Variants in TASOR2 observed in about 807,000 individuals in gnomAD.
TASOR2 encodes the protein protein TASOR 2.
Under a neutral mutation model 199.5 loss-of-function variants are expected in TASOR2, and 84 were observed. The observed-to-expected ratio is 0.42, with a 90% confidence interval of 0.35 to 0.50. The LOEUF is 0.50. TASOR2 is among the 20% of genes least tolerant of loss of function. The pLI is 0.02. For missense variants in TASOR2, 2,796 were observed against 2,835.9 expected (o/e 0.99, Z 0.32); for synonymous variants, 1,103 against 1,046.6 (o/e 1.05, Z -1.04).
intron 15 of TASOR2, among the ~76,000 whole-genome samples, chr10:5,755,850 G>A (rs1361137795): frequency 6.6e-6 from 1 of 151,954 alleles, no homozygotes; most frequent in Non-Finnish European, 1.5e-5. Flanking sequence ...AAAAAAGCCG[G>A]GCCCAGTGAT....
chr10:5,763,357 A>T (rs1840172135), exon 21 of TASOR2: 1 of 255,004 alleles, frequency 3.9e-6, no homozygotes, highest in Non-Finnish European at 7.4e-6. Context: ...CTATTTTAAC[A>T]AATAGCTTTG....
intron 19 of TASOR2, 71 bp downstream of exon 20, chr10:5,761,542 C>A (rs1225386978): frequency 5.9e-6 from 8 of 1,358,908 alleles, no homozygotes; most frequent in Non-Finnish European, 8.2e-6. Flanking sequence ...AAGTTAGATA[C>A]CTGATGAAGA....
chr10:5,749,999 A>G, exon 15 of TASOR2: 1 of 1,605,082 alleles, frequency 6.2e-7, no homozygotes, highest in Non-Finnish European at 8.5e-7. Flanking sequence ...GTCGAAACAG[A>G]AGACAAATCA....
chr10:5,730,785 T>C lies in TASOR2; in HGVS notation c.786T>C (p.Ser262=). ...CAGAGTCTTTAACTCAGTTGAACTC[T>C]TATTTTTCAGACCCTAGTGCTTACA... The change falls in exon 11 of 21, where the codon TCT becomes TCC. Residue 262 remains serine (S), a synonymous_variant. Transcript: ENST00000328090. This position sits in a 1 kb window ranked among gnomAD's most constrained non-coding sequence, Gnocchi z 4.1. The C allele has an allele frequency of 6.2e-7, 1 of 1,614,228 alleles. No homozygotes were observed. The highest frequency in any genetic ancestry group is 1.3e-5 in the African/African-American group (1 of 75,060).
chr10:5,709,143 A>G (rs1016451476), intron 1 of TASOR2, among the ~76,000 whole-genome samples: 4 of 152,154 alleles, frequency 2.6e-5, no homozygotes, highest in Non-Finnish European at 4.4e-5. Flanking sequence ...TATATATACA[A>G]CTAATTTGGG....
exon 17 of TASOR2, chr10:5,757,534 G>A (rs1839142680): frequency 6.2e-7 from 1 of 1,602,662 alleles, no homozygotes; most frequent in Admixed American, 1.8e-5. Flanking sequence ...CTTCTTTGCT[G>A]AAGCTGAAGC....
intron 11 of TASOR2, among the ~76,000 whole-genome samples, chr10:5,732,069 G>A (rs1250538870): frequency 1.3e-5 from 2 of 152,218 alleles, no homozygotes; most frequent in Non-Finnish European, 2.9e-5. Flanking sequence ...AGAGTCTTGA[G>A]CTACTTAGTG....
At chr10:5,721,254 A>G (rs576033060) in intron 6 of TASOR2, among the ~76,000 whole-genome samples, 26 of 152,358 alleles carry the variant, frequency 1.7e-4, no homozygotes, top group African/African-American at 5.5e-4. Context: ...GATAGCAAAT[A>G]TAGCAGATTA....
chr10:5,702,734 C>T (rs775848486), intron 1 of TASOR2, among the ~76,000 whole-genome samples: 2 of 145,072 alleles, frequency 1.4e-5, no homozygotes, highest in East Asian at 4.0e-4. Context: ...AAAAGAAAAC[C>T]GATTCCGTAG....
rs1833276592 is a variant in TASOR2 at position 5,720,896 on chromosome 10, A to G, written c.72A>G (p.Lys24=). Residue 24 remains lysine (K), a synonymous_variant, in exon 6 of 21, where the codon AAA becomes AAG. Coordinates refer to ENST00000328090, the Ensembl canonical transcript of TASOR2. The surrounding 1 kb of genome is among the most constrained non-coding windows in gnomAD (Gnocchi z 5.3). ...TTCTCATGTCTCCATGGAAAGGGAA[A>G]TTAATTGTTCAAGACCGTATGCTAT... 6.2e-7 allele frequency: 1 copy of G among 1,612,254 alleles called. No individual in the cohort carries two copies. Among genetic ancestry groups the G allele is most frequent in the East Asian group, 2.2e-5 (1 of 44,844 alleles).
intron 1 of TASOR2, among the ~76,000 whole-genome samples, chr10:5,704,436 T>C (rs1411196882): frequency 6.6e-6 from 1 of 152,140 alleles, no homozygotes; most frequent in Non-Finnish European, 1.5e-5. Context: ...AAAAATTGTT[T>C]CTATTACCCT....
At chr10:5,728,461 C>T (rs1834350603) in intron 10 of TASOR2, among the ~76,000 whole-genome samples, 2 of 151,846 alleles carry the variant, frequency 1.3e-5, no homozygotes, top group Admixed American at 1.3e-4. Context: ...CATGGTGAAA[C>T]CCCGTCTCTA....
At chr10:5,727,109 C>T in exon 10 of TASOR2, 2 of 1,614,078 alleles carry the variant, frequency 1.2e-6, no homozygotes. Flanking sequence ...TTATTTCGTT[C>T]ACCCCTGTCA....
At position 5,746,033 on chromosome 10, in the gene TASOR2, T is replaced by C. The variant is rs1416888641; in HGVS notation, c.2758-146T>C. ...AGGGACTTGCTTGATTTGTACCCTG[T>C]GATATTCTTTTAGCTAGAAAATTCA... is the stretch of plus-strand genomic sequence containing the variant. On this transcript the variant is annotated intron_variant, in intron 14 of 20. Transcript: ENST00000328090. 4.4e-6 allele frequency: 4 copies of C among 900,848 alleles called. No homozygotes were observed. The African/African-American group carries it at 5.1e-5, about 11-fold the overall frequency. 55.8% of individuals were successfully genotyped at this position (900,848 alleles called of 1,614,324 possible).
intron 1 of TASOR2, among the ~76,000 whole-genome samples, chr10:5,697,584 C>T (rs138010825): frequency 6.6e-6 from 1 of 152,052 alleles, no homozygotes; most frequent in African/African-American, 2.4e-5. Context: ...GAGTGCATAA[C>T]CTTGGAAAGC....
Position 5,685,728 on chromosome 10 carries a change from C to T in TASOR2, c.-288+553C>T, listed in dbSNP as rs775190918. The stretch of plus-strand genomic sequence containing the variant: ...TTTGTCTGAAGGCGGCGCCAAGCAG[C>T]GTTTCGTGGGAGAACTGGGTTGATG... On this transcript the variant is annotated intron_variant, in intron 1 of 20. Transcript: ENST00000328090. This position sits in a 1 kb window ranked among gnomAD's most constrained non-coding sequence, Gnocchi z 5.4. 6.6e-6 allele frequency among the ~76,000 whole-genome samples: 1 copy of T among 152,308 alleles called. No homozygotes were observed. Among genetic ancestry groups the T allele is most frequent in the Admixed American group, 6.5e-5 (1 of 15,300 alleles).
chr10:5,712,836 A>AG lies in TASOR2; in HGVS notation c.-274_-273insG. The AG allele has an allele frequency of 8.1e-7, 1 of 1,229,448 alleles. No individual in the cohort carries two copies. Among genetic ancestry groups the AG allele is most frequent in the Non-Finnish European group, 1.0e-6 (1 of 985,640 alleles). 76.2% of individuals were successfully genotyped at this position (1,229,448 alleles called of 1,614,324 possible). On this transcript the variant is annotated 5_prime_UTR_variant, in exon 2 of 21. The change abolishes the stop of an existing upstream ORF in the 5' untranslated region. Coordinates refer to ENST00000328090, the Ensembl canonical transcript of TASOR2. ...CTCTTTATACAGTACAAAACTTTTT[A>AG]CCAACAAAAAAAAGCAAGTAGTTAT... is the stretch of plus-strand genomic sequence containing the variant.
At chr10:5,691,053 T>C (rs1472850630) in intron 1 of TASOR2, among the ~76,000 whole-genome samples, 1 of 151,478 alleles carries the variant, frequency 6.6e-6, no homozygotes, top group Non-Finnish European at 1.5e-5. Context: ...TAGCCGGGCA[T>C]GATGGTGCAT....
In TASOR2 at chr10:5,748,279, C is replaced by T. The variant is rs749253191; in HGVS notation, c.4858C>T (p.Pro1620Ser). The T allele has an allele frequency of 2.5e-6, 4 of 1,614,210 alleles. No homozygotes were observed. Among genetic ancestry groups the T allele is most frequent in the Admixed American group, 1.7e-5 (1 of 60,028 alleles). ...TAAAAGCAGTCAGAACCATCTCTTT[C>T]CCGGTGATTTGAAAACAGATGAAGG... Residue 1620 changes from proline to serine, a missense_variant, in exon 15 of 21, where the codon CCC (proline) becomes TCC (serine). Physicochemically the swap from Pro to Ser is moderately conservative, Grantham distance 74. This residue lies in a region of TASOR2 where 1,941 missense variants were observed against 1,924.9 expected (regional missense o/e 1.01). Coordinates refer to ENST00000328090, the Ensembl canonical transcript of TASOR2. The surrounding 1 kb of genome is among the most constrained non-coding windows in gnomAD (Gnocchi z 5.1).
Sources: gnomAD v4.1 joint callset for allele counts (sites outside exome capture counted in the v4.1 genomes callset) on GRCh38, gnomAD v4.1.1 for gene constraint, gnomAD v4.1.1 regional missense constraint, Gnocchi (gnomAD v3.1) non-coding constraint, MANE v1.5 for transcripts, NCBI Gene and HGNC (gene_info 2026-07-23, HGNC 2026-07-21) for gene names.